The following GDI2 variants were observed in gnomAD, a reference collection of about 807,000 sequenced individuals.
The protein encoded by GDI2 is rab GDP dissociation inhibitor beta.
GDI2 carries 22 observed loss-of-function variants against 54.2 expected under a neutral mutation model. The observed-to-expected ratio is 0.41, with a 90% CI of 0.29 to 0.58. The LOEUF is 0.58. Ranked by LOEUF, GDI2 falls within the 20% of genes least tolerant of loss-of-function variation. The pLI is 0.35. For missense variants in GDI2, 422 were observed against 546.0 expected, an observed-to-expected ratio of 0.77 and a Z score of 2.26; for synonymous variants, 177 against 182.1, an observed-to-expected ratio of 0.97 and a Z score of 0.23.
chr10:5,775,643 C>T (rs1164063378), intron 6 of GDI2, among the ~76,000 whole-genome samples: 1 of 152,068 alleles, frequency 6.6e-6, no homozygotes, highest in Non-Finnish European at 1.5e-5. Context: ...AGTGCTCACA[C>T]AGGAGGGAAA....
At chr10:5,788,953 G>T (rs7093027) in intron 4 of GDI2, among the ~76,000 whole-genome samples, 10 of 151,986 alleles carry the variant, frequency 6.6e-5, no homozygotes, top group Non-Finnish European at 1.3e-4. Flanking sequence ...TTTTAGTAGA[G>T]ATGGGGTTTC....
At chr10:5,795,148 A>G (rs1172447227) in intron 3 of GDI2, 129 bp from the exon 4 acceptor site, 8 of 630,836 alleles carry the variant, frequency 1.3e-5, no homozygotes, top group Middle Eastern at 3.6e-4. Flanking sequence ...TTTTTTTTTG[A>G]GACACAGTCT....
intron 4 of GDI2, 41 bp from the exon 5 acceptor site, chr10:5,786,091 A>G (rs1470701925): frequency 7.4e-7 from 1 of 1,345,082 alleles, no homozygotes; most frequent in Non-Finnish European, 1.1e-6. Flanking sequence ...ACTCACAATC[A>G]GACATTGAGG....
In GDI2 at chr10:5,791,070, C is replaced by T. The variant is rs144911933; in HGVS notation, c.388+3815G>A. Among the ~76,000 whole-genome samples the T allele has an allele frequency of 4.6e-5, 7 of 152,250 alleles. No homozygotes were observed. In the East Asian group the frequency reaches 1.2e-3, roughly 25 times the overall value. On this transcript the variant is annotated intron_variant, in intron 4 of 10. Transcript: ENST00000380191. ...CTTTTGGGAGGCTGAGGAGAGGTAA[C>T]TGCTTGAGTCCGGGAGTTCAAGACC...
rs6602240 is a variant in GDI2, at chr10:5,774,788, C to G, written c.720-847G>C. 6.6e-6 allele frequency among the ~76,000 whole-genome samples: 1 copy of G among 152,018 alleles called. No homozygotes were observed. The highest frequency in any genetic ancestry group is 2.4e-5 in the African/African-American group (1 of 41,482). ...TTCCCAAAACCCCACACTGTCTATT[C>G]TCCTGTTTTTCCTTGTGTGTGTGTT... On this transcript the variant is annotated intron_variant, in intron 6 of 10. Transcript: ENST00000380191. The surrounding 1 kb of genome is among the most constrained non-coding windows in gnomAD (Gnocchi z 4.8).
intron 4 of GDI2, among the ~76,000 whole-genome samples, chr10:5,794,401 C>A (rs1342120260): frequency 1.3e-5 from 2 of 151,358 alleles, no homozygotes; most frequent in Non-Finnish European, 2.9e-5. Flanking sequence ...AGCCACACTA[C>A]CAGCATTTCA....
At chr10:5,811,896 TA>T in intron 1 of GDI2, 1 of 1,136,948 alleles carries the variant, frequency 8.8e-7, no homozygotes, top group Non-Finnish European at 1.2e-6. Flanking sequence ...ATTAGCCAAA[TA>T]AAAGTTCGAA....
Position 5,766,390 on chromosome 10 carries a change from A to G in GDI2, c.1137-95T>C, listed in dbSNP as rs1840334663. On this transcript the variant is annotated intron_variant, in intron 9 of 10. Transcript: ENST00000380191. The surrounding 1 kb of genome is among the most constrained non-coding windows in gnomAD (Gnocchi z 5.8). ...TGAGAGGTACAGATGAATCCCACAG[A>G]GCAGCCAGCAGCTACCTGCCTTGCC... 1.3e-6 allele frequency: 2 copies of G among 1,494,334 alleles called. No individual in the cohort carries two copies. Among genetic ancestry groups the G allele is most frequent in the Admixed American group, 1.7e-5 (1 of 59,870 alleles). 92.6% of individuals were successfully genotyped at this position (1,494,334 alleles called of 1,614,324 possible).
chr10:5,792,107 CATT>C (rs1841032563), intron 4 of GDI2, among the ~76,000 whole-genome samples: 1 of 152,092 alleles, frequency 6.6e-6, no homozygotes, highest in Non-Finnish European at 1.5e-5. Context: ...GGTATGTAAT[CATT>C]GTTAAAATAT....
chr10:5,812,649 TAA>T (rs755454289), intron 1 of GDI2, among the ~76,000 whole-genome samples: 27 of 152,148 alleles, frequency 1.8e-4, no homozygotes, highest in Non-Finnish European at 3.1e-4. Context: ...GAGAAAGGAT[TAA>T]AAGACTAATT....
intron 7 of GDI2, among the ~76,000 whole-genome samples, chr10:5,772,667 G>A (rs113649032): frequency 0.03 from 4,587 of 152,256 alleles, 149 homozygotes; most frequent in African/African-American, 0.084. Flanking sequence ...TGAGGTAGGA[G>A]AATCACTTGA....
intron 4 of GDI2, among the ~76,000 whole-genome samples, chr10:5,790,967 A>G (rs1440571735): frequency 1.3e-5 from 2 of 151,962 alleles, no homozygotes; most frequent in Non-Finnish European, 2.9e-5. Flanking sequence ...ACCAGCCTAG[A>G]CAATTATAGC....
intron 7 of GDI2, among the ~76,000 whole-genome samples, chr10:5,772,342 A>T (rs1459535486): frequency 1.3e-5 from 2 of 152,218 alleles, no homozygotes; most frequent in Non-Finnish European, 2.9e-5. Flanking sequence ...ACAAAATATG[A>T]CTTCTTTTGT....
rs184979795 is a variant in GDI2 at position 5,796,273 on chromosome 10, C to G, written c.253+490G>C. On this transcript the variant is annotated intron_variant, in intron 3 of 10. Transcript: ENST00000380191. ...GCTGAGGCAGGAGAATTGCTTGAAC[C>G]AGAAGGCGGAGGTTGTAGTGAGCCA... Among the ~76,000 whole-genome samples, 1,022 of 150,722 alleles carry G rather than the reference C, an allele frequency of 6.8e-3. 8 individuals are homozygous for G. Among genetic ancestry groups the G allele is most frequent in the Admixed American group, 0.01 (156 of 15,044 alleles).
chr10:5,783,274 G>C (rs1840802538), intron 6 of GDI2, among the ~76,000 whole-genome samples: 1 of 151,824 alleles, frequency 6.6e-6, no homozygotes, highest in Non-Finnish European at 1.5e-5. Context: ...AGCTACTTCT[G>C]CTCGCTTCTG....
intron 7 of GDI2, among the ~76,000 whole-genome samples, chr10:5,769,563 C>T (rs556118197): frequency 6.7e-6 from 1 of 149,654 alleles, no homozygotes; most frequent in East Asian, 2.1e-4. Flanking sequence ...GAGCAAAACT[C>T]CGTCTCAAAA....
chr10:5,813,208 G>A lies in GDI2; in HGVS notation c.45+6C>T, dbSNP rs1442381260. The A allele has an allele frequency of 1.3e-6, 2 of 1,569,342 alleles. No individual in the cohort carries two copies. Among genetic ancestry groups the A allele is most frequent in the African/African-American group, 1.4e-5 (1 of 72,754 alleles). On this transcript the variant is annotated splice_donor_region_variant and intron_variant, in intron 1 of 10. Coordinates refer to ENST00000380191, the MANE Select transcript of GDI2 (RefSeq NM_001494.4). ...TCAGCCCCGGCCCCTCAGCCCTGGC[G>A]CCCACCGTCAGGCCGGTGCCCAGCA...
chr10:5,776,844 A>G lies in GDI2; in HGVS notation c.720-2903T>C. The stretch of plus-strand genomic sequence containing the variant: ...CTTATGGAGCTGAGGATATTCTGAA[A>G]GGATTTATGAATAATTAAAATGGAA... On this transcript the variant is annotated intron_variant, in intron 6 of 10. Transcript: ENST00000380191. The surrounding 1 kb of genome is among the most constrained non-coding windows in gnomAD (Gnocchi z 5.3). The G allele has an allele frequency of 7.7e-7, 1 of 1,297,780 alleles. No homozygotes were observed. Among genetic ancestry groups the G allele is most frequent in the South Asian group, 1.4e-5 (1 of 71,716 alleles). 80.4% of individuals were successfully genotyped at this position (1,297,780 alleles called of 1,614,324 possible).
intron 1 of GDI2, among the ~76,000 whole-genome samples, chr10:5,803,800 T>C (rs1386535672): frequency 6.6e-6 from 1 of 152,136 alleles, no homozygotes; most frequent in Non-Finnish European, 1.5e-5. Flanking sequence ...AGATGGGGCA[T>C]ATAATCACTC....
Sources: allele counts gnomAD v4.1 joint callset (sites outside exome capture counted in the v4.1 genomes callset), GRCh38; gene constraint gnomAD v4.1.1; non-coding constraint Gnocchi (gnomAD v3.1); transcripts MANE v1.5; gene names NCBI Gene and HGNC (gene_info 2026-07-23, HGNC 2026-07-21).